MKX: variants seen among roughly 807,000 people sequenced by gnomAD.
MKX encodes the protein mohawk homeobox.
Under a neutral mutation model 36.0 loss-of-function variants are expected in MKX, and 13 were observed. That is an observed-to-expected ratio of 0.36 (90% CI 0.24 to 0.57). MKX has a LOEUF of 0.57. MKX is among the 20% of genes least tolerant of loss of function. MKX has a pLI of 0.79. For missense variants in MKX, 458 were observed against 456.4 expected (o/e 1.00, Z -0.03); for synonymous variants, 176 against 178.3 (o/e 0.99, Z 0.10).
At chr10:27,722,823 A>T (rs1834409195) in intron 5 of MKX, among the ~76,000 whole-genome samples, 1 of 152,190 alleles carries the variant, frequency 6.6e-6, no homozygotes, top group African/African-American at 2.4e-5. Context: ...TAATGAAAGC[A>T]TCTGAGAGAC....
chr10:27,683,180 G>T (rs554768760), intron 5 of MKX, among the ~76,000 whole-genome samples: 3 of 152,274 alleles, frequency 2.0e-5, no homozygotes, highest in East Asian at 3.9e-4. Flanking sequence ...TATGCAGCCT[G>T]GACCACTACC....
At chr10:27,706,580 T>TG (rs71388926) in intron 5 of MKX, among the ~76,000 whole-genome samples, 3 of 151,210 alleles carry the variant, frequency 2.0e-5, no homozygotes, top group Non-Finnish European at 2.9e-5. Flanking sequence ...TGTGTGTGTG[T>TG]TTAATAATAG....
rs1834911396 is a variant in MKX at position 27,742,055 on chromosome 10, T to G, written c.189-551A>C. Among the ~76,000 whole-genome samples the G allele has an allele frequency of 6.6e-6, 1 of 152,184 alleles. No individual in the cohort carries two copies. The highest frequency in any genetic ancestry group is 6.5e-5 in the Admixed American group (1 of 15,282). On this transcript the variant is annotated intron_variant, in intron 2 of 6. Transcript: ENST00000419761. The surrounding 1 kb of genome is among the most constrained non-coding windows in gnomAD (Gnocchi z 4.2). ...CTTTAAGCTATTTCCTTTGATCTTT[T>G]AGGAAAAGGGGGAAACTTTCTAAAG...
intron 5 of MKX, among the ~76,000 whole-genome samples, chr10:27,728,070 A>C (rs1834531491): frequency 6.6e-6 from 1 of 152,234 alleles, no homozygotes; most frequent in South Asian, 2.1e-4. Context: ...CTGGTGATAG[A>C]GGCTTTTATT....
intron 5 of MKX, among the ~76,000 whole-genome samples, chr10:27,694,993 A>T (rs1378348065): frequency 6.6e-6 from 1 of 151,860 alleles, no homozygotes; most frequent in South Asian, 2.1e-4. Flanking sequence ...ACCACTCAGA[A>T]GGTGGAAGCA....
At chr10:27,711,957 G>C (rs1836881267) in intron 5 of MKX, among the ~76,000 whole-genome samples, 2 of 152,202 alleles carry the variant, frequency 1.3e-5, no homozygotes, top group South Asian at 4.2e-4. Flanking sequence ...AACCAAGGTA[G>C]ATTTTTGTTG....
intron 5 of MKX, among the ~76,000 whole-genome samples, chr10:27,695,261 G>A (rs1589663152): frequency 6.6e-6 from 1 of 152,048 alleles, no homozygotes; most frequent in Non-Finnish European, 1.5e-5. Context: ...AACATAGAAG[G>A]AGAAACGCTC....
At chr10:27,696,817 T>C (rs1052933071) in intron 5 of MKX, among the ~76,000 whole-genome samples, 1 of 152,172 alleles carries the variant, frequency 6.6e-6, no homozygotes, top group Non-Finnish European at 1.5e-5. Flanking sequence ...TCTTAATGGC[T>C]TGGAGACAAG....
intron 1 of MKX, chr10:27,745,072 G>A (rs1488966528): frequency 6.6e-6 from 1 of 152,240 alleles, no homozygotes; most frequent in Non-Finnish European, 1.5e-5. Flanking sequence ...TGCCCTTAGG[G>A]ATGTGTGTTC....
At chr10:27,677,068 G>A (rs144372043) in intron 5 of MKX, among the ~76,000 whole-genome samples, 15 of 152,278 alleles carry the variant, frequency 9.9e-5, no homozygotes, top group African/African-American at 3.6e-4. Flanking sequence ...AGAGGCTACT[G>A]GCATGGCATC....
intron 5 of MKX, among the ~76,000 whole-genome samples, chr10:27,689,589 A>G (rs1015112336): frequency 6.6e-6 from 1 of 152,218 alleles, no homozygotes; most frequent in Non-Finnish European, 1.5e-5. Flanking sequence ...AGAACCATGC[A>G]TAAAGGCGGG....
At chr10:27,731,078 G>A (rs1834616219) in intron 5 of MKX, among the ~76,000 whole-genome samples, 1 of 140,200 alleles carries the variant, frequency 7.1e-6, no homozygotes, top group South Asian at 2.3e-4. Context: ...AGGTTGCAGT[G>A]AACCGAGATC....
intron 5 of MKX, among the ~76,000 whole-genome samples, chr10:27,694,572 G>A (rs1483136634): frequency 6.7e-6 from 1 of 148,248 alleles, no homozygotes; most frequent in Non-Finnish European, 1.5e-5. Context: ...GCGGGCGCCT[G>A]TAGTCCCAGC....
intron 2 of MKX, 71 bp downstream of exon 2, chr10:27,743,157 C>T: frequency 7.4e-7 from 1 of 1,346,570 alleles, no homozygotes; most frequent in Non-Finnish European, 9.6e-7. Context: ...TGCCACGGGA[C>T]CCCGTCACAG....
intron 5 of MKX, among the ~76,000 whole-genome samples, chr10:27,702,103 T>C (rs1243002062): frequency 6.6e-6 from 1 of 152,118 alleles, no homozygotes; most frequent in Non-Finnish European, 1.5e-5. Context: ...CAAAGTTAGC[T>C]GTAGAACTGA....
intron 5 of MKX, among the ~76,000 whole-genome samples, chr10:27,733,606 G>T (rs12243231): frequency 0.046 from 7,068 of 152,182 alleles, 529 homozygotes; most frequent in African/African-American, 0.16. Flanking sequence ...TGTTTTCTGA[G>T]GTTATTTCCA....
chr10:27,686,300 T>TAAAC (rs1669606458), intron 5 of MKX, among the ~76,000 whole-genome samples: 1 of 149,848 alleles, frequency 6.7e-6, no homozygotes, highest in South Asian at 2.1e-4. Context: ...CCTCGGGGTA[T>TAAAC]AAACAATGAG....
chr10:27,690,740 G>A (rs914189819), intron 5 of MKX, among the ~76,000 whole-genome samples: 9 of 152,110 alleles, frequency 5.9e-5, no homozygotes, highest in Non-Finnish European at 1.3e-4. Flanking sequence ...GTTAGCCAAG[G>A]GGCCACTCCA....
intron 5 of MKX, among the ~76,000 whole-genome samples, chr10:27,705,420 T>G (rs1367024634): frequency 1.3e-5 from 2 of 152,160 alleles, no homozygotes; most frequent in Admixed American, 6.5e-5. Context: ...AGTGGCACGG[T>G]CATACCTCAG....
Sources: gnomAD v4.1 joint callset for allele counts (sites outside exome capture counted in the v4.1 genomes callset) on GRCh38, gnomAD v4.1.1 for gene constraint, Gnocchi (gnomAD v3.1) non-coding constraint, MANE v1.5 for transcripts, NCBI Gene and HGNC (gene_info 2026-07-23, HGNC 2026-07-21) for gene names.